The following COL13A1 variants were observed in gnomAD, a reference collection of about 807,000 sequenced individuals.
The protein encoded by COL13A1 is collagen type XIII alpha 1 chain, also known as collagen alpha-1(XIII) chain.
A neutral mutation model predicts 130.9 loss-of-function variants in COL13A1; 89 were observed. The ratio of observed to expected loss-of-function variants is 0.68; its 90% confidence interval spans 0.57 to 0.81. The LOEUF is 0.81. Among genes scored for constraint, COL13A1 ranks in the 30% least tolerant of loss-of-function variants. The pLI is 0.00. For synonymous variants in COL13A1, 402 were observed against 341.6 expected, an observed-to-expected ratio of 1.18 and a Z score of -1.95; for missense variants, 879 against 934.6, an observed-to-expected ratio of 0.94 and a Z score of 0.78.
chr10:69,932,853 C>T (rs1386699862), intron 31 of COL13A1, among the ~76,000 whole-genome samples: 1 of 152,090 alleles, frequency 6.6e-6, no homozygotes, highest in Non-Finnish European at 1.5e-5. Flanking sequence ...ATAAACAGAA[C>T]TTGCCGGGCA....
chr10:69,926,083 TG>T (rs1363050667), intron 26 of COL13A1: 1 of 552,088 alleles, frequency 1.8e-6, no homozygotes, highest in East Asian at 3.0e-5. Flanking sequence ...GGCATCCAGG[TG>T]GCCGGGGCTC....
At chr10:69,944,048 C>A in intron 35 of COL13A1, 77 bp from the exon 36 acceptor site, 1 of 1,246,642 alleles carries the variant, frequency 8.0e-7, no homozygotes, top group Non-Finnish European at 1.2e-6. Context: ...CCTTGCTCAT[C>A]TCTAGGCATC....
chr10:69,836,928 T>A (rs973696809), intron 2 of COL13A1, among the ~76,000 whole-genome samples: 1 of 141,744 alleles, frequency 7.1e-6, no homozygotes, highest in African/African-American at 2.6e-5. Context: ...ATGTGAGCTG[T>A]CACGGGGTGA....
At chr10:69,852,331 A>G (rs1386917414) in intron 2 of COL13A1, among the ~76,000 whole-genome samples, 1 of 152,234 alleles carries the variant, frequency 6.6e-6, no homozygotes, top group Non-Finnish European at 1.5e-5. Context: ...ATAAGCCAAT[A>G]CTTGTATGGT....
intron 7 of COL13A1, among the ~76,000 whole-genome samples, chr10:69,886,424 T>G (rs192282897): frequency 1.5e-4 from 23 of 152,320 alleles, no homozygotes; most frequent in African/African-American, 5.3e-4. Flanking sequence ...AGAAAGCCCA[T>G]GCCTGGGAAG....
At chr10:69,867,829 C>T (rs1454845270) in intron 3 of COL13A1, 24 bp downstream of exon 3, 6 of 718,418 alleles carry the variant, frequency 8.4e-6, no homozygotes, top group South Asian at 4.4e-5. Flanking sequence ...CCGAGGGTCT[C>T]GTGCATCTGA....
chr10:69,923,922 G>C, intron 24 of COL13A1, 67 bp downstream of exon 24: 1 of 1,564,230 alleles, frequency 6.4e-7, no homozygotes, highest in Non-Finnish European at 8.7e-7. Flanking sequence ...GAATCATCCC[G>C]GCCGACCCTA....
chr10:69,899,238 A>G, intron 14 of COL13A1, among the ~76,000 whole-genome samples: 3 of 152,294 alleles, frequency 2.0e-5, no homozygotes, highest in African/African-American at 7.2e-5. Flanking sequence ...CAGCCTTCTC[A>G]TCTATAAAAT....
At chr10:69,951,015 AT>A (rs1221617609) in intron 38 of COL13A1, among the ~76,000 whole-genome samples, 1 of 152,046 alleles carries the variant, frequency 6.6e-6, no homozygotes. Context: ...CACCAGGCTA[AT>A]TTTTGTATTT....
chr10:69,861,166 C>T (rs1857948274), intron 2 of COL13A1, among the ~76,000 whole-genome samples: 2 of 152,174 alleles, frequency 1.3e-5, no homozygotes, highest in Admixed American at 1.3e-4. Context: ...GAAGGGGGCA[C>T]CTCCAGATTG....
At position 69,924,350 on chromosome 10, in the gene COL13A1, G is replaced by A. The variant is rs76579741; in HGVS notation, c.1284+495G>A. On this transcript the variant is annotated intron_variant, in intron 24 of 40. Coordinates refer to ENST00000645393, the MANE Select transcript of COL13A1 (RefSeq NM_001368882.1). ...TTTATCCCAGAAAAATTGAAACTGC[G>A]CTTGGTTTTTCACAAGTTACACTGC... Among the ~76,000 whole-genome samples the A allele has an allele frequency of 5.0e-3, 766 of 151,940 alleles. 18 individuals are homozygous for A. Among genetic ancestry groups the A allele is most frequent in the East Asian group, 0.044 (230 of 5,170 alleles).
At chr10:69,803,123 G>A (rs1400566880) in intron 1 of COL13A1, among the ~76,000 whole-genome samples, 2 of 152,290 alleles carry the variant, frequency 1.3e-5, no homozygotes, top group Non-Finnish European at 1.5e-5. Context: ...CCAGGCCGAG[G>A]CTTACTGAGC....
At chr10:69,824,056 G>A in intron 2 of COL13A1, 1 of 470,166 alleles carries the variant, frequency 2.1e-6, no homozygotes, top group East Asian at 7.0e-5. Context: ...TGAAGCCACA[G>A]AGGATGTAGG....
intron 34 of COL13A1, among the ~76,000 whole-genome samples, chr10:69,940,656 C>T (rs2067495619): frequency 1.3e-5 from 2 of 152,118 alleles, no homozygotes; most frequent in Non-Finnish European, 2.9e-5. Flanking sequence ...TATCCCTTTC[C>T]CCATAACACT....
chr10:69,816,727 G>T (rs770570682), intron 1 of COL13A1, among the ~76,000 whole-genome samples: 28 of 152,262 alleles, frequency 1.8e-4, no homozygotes, highest in Admixed American at 3.9e-4. Flanking sequence ...GAGGAAGAAG[G>T]GGGGTGAGCA....
chr10:69,927,186 T>C, intron 27 of COL13A1, 76 bp downstream of exon 27: 1 of 1,599,972 alleles, frequency 6.3e-7, no homozygotes. Context: ...AGCAAGGATT[T>C]GATTTCTCCC....
chr10:69,894,561 G>C lies in COL13A1; in HGVS notation c.613G>C (p.Gly205Arg), dbSNP rs373562542. The C allele has an allele frequency of 4.8e-5, 78 of 1,613,826 alleles. No individual in the cohort carries two copies. The highest frequency in any genetic ancestry group is 6.6e-5 in the Non-Finnish European group (78 of 1,179,888). ...PGPKGDMGLT[G>R]PPGQPGPQGQ... ...TGTTTGCTTCCCACAGGGTCTGACG[G>C]GTCCCCCAGGACAGCCGGTTGGTAC... The change falls in exon 11 of 41, where the codon GGT (glycine) becomes CGT (arginine). Residue 205 changes from glycine to arginine, a missense_variant. Around this residue, in one of 3 missense-constraint regions of COL13A1, gnomAD observed 715 missense variants for 721.0 expected, o/e 0.99. Coordinates refer to ENST00000645393, the MANE Select transcript of COL13A1 (RefSeq NM_001368882.1).
At chr10:69,914,079 A>G (rs370490570) in intron 17 of COL13A1, among the ~76,000 whole-genome samples, 3 of 152,278 alleles carry the variant, frequency 2.0e-5, no homozygotes, top group South Asian at 2.1e-4. Flanking sequence ...GACAACCCCA[A>G]TTAGCCTGGA....
intron 38 of COL13A1, among the ~76,000 whole-genome samples, chr10:69,950,551 C>A (rs2069365690): frequency 6.6e-6 from 1 of 152,196 alleles, no homozygotes; most frequent in Non-Finnish European, 1.5e-5. Context: ...AATGAGGGGC[C>A]ACACTCCTGA....
Sources: allele counts gnomAD v4.1 joint callset (sites outside exome capture counted in the v4.1 genomes callset), GRCh38; gene constraint gnomAD v4.1.1; regional missense constraint gnomAD v4.1.1; transcripts MANE v1.5; gene names NCBI Gene and HGNC (gene_info 2026-07-23, HGNC 2026-07-21).